Variants in NHSL1 observed in about 807,000 individuals in gnomAD.
NHSL1 encodes the protein NHS-like protein 1.
In NHSL1, 48 loss-of-function variants were observed where a neutral mutation model predicts 95.0. That is an observed-to-expected ratio of 0.51 (90% CI 0.40 to 0.64). NHSL1 has a LOEUF of 0.64. NHSL1 is among the 30% of genes least tolerant of loss of function. The probability of loss-of-function intolerance (pLI) is 0.00; values close to 1 mark genes in which losing one functional copy is unlikely to be tolerated. For synonymous variants in NHSL1, 783 were observed against 833.9 expected (o/e 0.94, Z 1.05); for missense variants, 1,971 against 2,077.7 (o/e 0.95, Z 1.00).
At chr6:138,642,840 G>A (rs780613104) in intron 1 of NHSL1, among the ~76,000 whole-genome samples, 2 of 151,972 alleles carry the variant, frequency 1.3e-5, no homozygotes, top group African/African-American at 2.4e-5. Context: ...TCGCTGGGGG[G>A]AGAAAATCAT....
chr6:138,619,947 C>CAAAAAA (rs11376703), intron 1 of NHSL1, among the ~76,000 whole-genome samples: 3 of 102,172 alleles, frequency 2.9e-5, no homozygotes, highest in Admixed American at 1.1e-4. Context: ...AACTCTATCA[C>CAAAAAA]AAAAAAAAAA....
chr6:138,656,254 G>A (rs1445035463), intron 1 of NHSL1, among the ~76,000 whole-genome samples: 1 of 152,076 alleles, frequency 6.6e-6, no homozygotes. Context: ...AAACTTACGA[G>A]TTTCTTTTAC....
At chr6:138,665,454 G>A (rs947443803) in intron 1 of NHSL1, among the ~76,000 whole-genome samples, 1 of 152,142 alleles carries the variant, frequency 6.6e-6, no homozygotes, top group Non-Finnish European at 1.5e-5. Context: ...CATCTTCATA[G>A]AGGCCACCTA....
chr6:138,598,602 C>T (rs1366683236), intron 1 of NHSL1, among the ~76,000 whole-genome samples: 6 of 95,732 alleles, frequency 6.3e-5, no homozygotes, highest in Non-Finnish European at 1.2e-4. Context: ...GCAGCCTGGA[C>T]AACAAAGCAA....
intron 2 of NHSL1, among the ~76,000 whole-genome samples, chr6:138,478,318 G>T (rs10499202): frequency 6.6e-6 from 1 of 151,780 alleles, no homozygotes; most frequent in Admixed American, 6.6e-5. Context: ...AATGGTAGTA[G>T]AACAAATGAA....
At position 138,475,718 on chromosome 6, in the gene NHSL1, G is replaced by A. The variant is rs183578505; in HGVS notation, c.212-2285C>T. 5.8e-3 allele frequency among the ~76,000 whole-genome samples: 879 copies of A among 152,178 alleles called. 9 individuals are homozygous for A. Among genetic ancestry groups the A allele is most frequent in the Non-Finnish European group, 7.5e-3 (513 of 68,016 alleles). On this transcript the variant is annotated intron_variant, in intron 2 of 7. Transcript: ENST00000343505. ...CCCAGCACTTTGGGAGGTTGAGGCC[G>A]GTGGATCACTTGGCGCTAGGAGTTT...
intron 1 of NHSL1, among the ~76,000 whole-genome samples, chr6:138,644,906 C>T (rs1012082951): frequency 2.0e-5 from 3 of 152,182 alleles, no homozygotes; most frequent in African/African-American, 7.2e-5. Flanking sequence ...CATACTTCAA[C>T]TCCTTTATCC....
rs1784753294 is a variant in NHSL1 at position 138,627,307 on chromosome 6, CAA to C, written c.96+65167_96+65168del. On this transcript the variant is annotated intron_variant, in intron 1 of 3. Transcript: ENST00000491526. ...GTTTTAAGGATGAATAATTAATACACAAAAAGTTTTTTTATATGTACCAACAA... is the reference window on the plus strand; with the variant it reads ...GTTTTAAGGATGAATAATTAATACACAAAGTTTTTTTATATGTACCAACAA... Among the ~76,000 whole-genome samples, 2 of 152,288 alleles carry C rather than the reference CAA, an allele frequency of 1.3e-5. 1 individual carries two copies. The highest frequency in any genetic ancestry group is 1.3e-4 in the Admixed American group (2 of 15,298).
chr6:138,521,867 A>C (rs752231465), intron 1 of NHSL1, among the ~76,000 whole-genome samples: 7 of 152,214 alleles, frequency 4.6e-5, no homozygotes, highest in Non-Finnish European at 1.0e-4. Context: ...AAGATACTTA[A>C]AGCCACTTAA....
At chr6:138,593,640 T>C (rs1395685719) in intron 1 of NHSL1, among the ~76,000 whole-genome samples, 1 of 152,254 alleles carries the variant, frequency 6.6e-6, no homozygotes, top group Non-Finnish European at 1.5e-5. Flanking sequence ...GAGTCATTTC[T>C]TTCTTCCAGT....
chr6:138,584,081 T>C (rs1245629819), intron 1 of NHSL1, among the ~76,000 whole-genome samples: 1 of 152,192 alleles, frequency 6.6e-6, no homozygotes, highest in Admixed American at 6.5e-5. Flanking sequence ...AATGCACCAC[T>C]GCACTCCAGC....
At chr6:138,465,800 T>C (rs1659748104) in intron 3 of NHSL1, among the ~76,000 whole-genome samples, 1 of 150,612 alleles carries the variant, frequency 6.6e-6, no homozygotes, top group South Asian at 2.1e-4. Flanking sequence ...CTTGGCTCAC[T>C]GCAACCTCTG....
intron 1 of NHSL1, among the ~76,000 whole-genome samples, chr6:138,628,647 T>C (rs1026549650): frequency 7.9e-5 from 12 of 151,998 alleles, no homozygotes; most frequent in Admixed American, 6.6e-4. Context: ...ACCTGGAAGG[T>C]TGAGGCAGGA....
intron 1 of NHSL1, among the ~76,000 whole-genome samples, chr6:138,631,826 T>C (rs1784823555): frequency 6.6e-6 from 1 of 151,976 alleles, no homozygotes; most frequent in African/African-American, 2.4e-5. Context: ...TCCTTCTGCT[T>C]GAGAAAAGCA....
intron 1 of NHSL1, among the ~76,000 whole-genome samples, chr6:138,519,828 T>A (rs1052757794): frequency 2.6e-5 from 4 of 152,212 alleles, no homozygotes; most frequent in African/African-American, 9.6e-5. Flanking sequence ...AACTGTTTGT[T>A]CCATATTTAT....
intron 1 of NHSL1, among the ~76,000 whole-genome samples, chr6:138,552,206 G>A (rs1783032808): frequency 6.6e-6 from 1 of 152,134 alleles, no homozygotes; most frequent in African/African-American, 2.4e-5. Context: ...GGATCACGAG[G>A]TCAGGAGATC....
At chr6:138,468,872 C>T (rs139461627) in intron 3 of NHSL1, among the ~76,000 whole-genome samples, 65 of 152,296 alleles carry the variant, frequency 4.3e-4, no homozygotes, top group Non-Finnish European at 7.1e-4. Context: ...AGTGCCTCCC[C>T]GTGAAATCAA....
intron 1 of NHSL1, among the ~76,000 whole-genome samples, chr6:138,644,664 T>C (rs901835907): frequency 6.6e-6 from 1 of 152,176 alleles, no homozygotes; most frequent in Non-Finnish European, 1.5e-5. Context: ...GAAAATCTGG[T>C]TTTTACTTAA....
chr6:138,492,699 C>A (rs942453770), intron 2 of NHSL1, among the ~76,000 whole-genome samples: 1 of 152,218 alleles, frequency 6.6e-6, no homozygotes, highest in Non-Finnish European at 1.5e-5. Flanking sequence ...TTTCCCTTCA[C>A]ACTTTATGGT....
Sources: gnomAD v4.1 joint callset for allele counts (sites outside exome capture counted in the v4.1 genomes callset) on GRCh38, gnomAD v4.1.1 for gene constraint, MANE v1.5 for transcripts, NCBI Gene and HGNC (gene_info 2026-07-23, HGNC 2026-07-21) for gene names.